Variants in NRXN1 observed in about 807,000 individuals in gnomAD.
NRXN1 encodes neurexin 1.
Under a neutral mutation model 150.9 loss-of-function variants are expected in NRXN1, and 39 were observed. The observed-to-expected ratio is 0.26, with a 90% CI of 0.20 to 0.34. The LOEUF is 0.34. NRXN1 is among the 10% of genes least tolerant of loss of function. The pLI, the probability that NRXN1 is intolerant of heterozygous loss-of-function variation, is 1.00. For synonymous variants in NRXN1, 924 were observed against 757.0 expected, an observed-to-expected ratio of 1.22 and a Z score of -3.62; for missense variants, 1,815 against 1,949.9, an observed-to-expected ratio of 0.93 and a Z score of 1.30.
intron 5 of NRXN1, among the ~76,000 whole-genome samples, chr2:50,697,889 C>G (rs944383570): frequency 6.6e-6 from 1 of 152,140 alleles, no homozygotes; most frequent in African/African-American, 2.4e-5. Flanking sequence ...CCAAAGTAGA[C>G]AGCTCTCCAT....
At chr2:50,326,724 G>C (rs1479923716) in intron 17 of NRXN1, among the ~76,000 whole-genome samples, 2 of 152,032 alleles carry the variant, frequency 1.3e-5, no homozygotes, top group Non-Finnish European at 2.9e-5. Context: ...TAATTATATA[G>C]AGTTGATGCT....
Position 50,429,319 on chromosome 2 carries a change from C to T in NRXN1, c.3364+36123G>A, listed in dbSNP as rs186667314. Among the ~76,000 whole-genome samples the T allele has an allele frequency of 1.1e-4, 16 of 152,092 alleles. 1 individual carries two copies. The East Asian group carries it at 2.7e-3, about 26-fold the overall frequency. On this transcript the variant is annotated intron_variant, in intron 17 of 22. Coordinates refer to ENST00000401669, the MANE Select transcript of NRXN1 (RefSeq NM_001330078.2). ...TCACCAAGGCTGGAGTGCAGTGGTG[C>T]GATCTTGGCTCACTACAACCTCCAC... is the stretch of plus-strand genomic sequence containing the variant.
intron 2 of NRXN1, among the ~76,000 whole-genome samples, chr2:51,007,703 T>G (rs1400291631): frequency 6.6e-6 from 1 of 151,942 alleles, no homozygotes; most frequent in African/African-American, 2.4e-5. Context: ...TTTCTTAAAC[T>G]GAGTAAATCC....
chr2:50,004,375 TAGAG>T (rs1214130641), intron 21 of NRXN1, among the ~76,000 whole-genome samples: 1 of 152,084 alleles, frequency 6.6e-6, no homozygotes, highest in Non-Finnish European at 1.5e-5. Context: ...AAGGTATATA[TAGAG>T]AGAGTGGAAG....
intron 5 of NRXN1, among the ~76,000 whole-genome samples, chr2:50,699,542 G>A (rs1421650803): frequency 6.6e-6 from 1 of 151,912 alleles, no homozygotes; most frequent in Non-Finnish European, 1.5e-5. Context: ...ACAGAGGAAG[G>A]GGCACCTGGA....
chr2:50,241,248 A>G (rs1305596036), intron 17 of NRXN1, among the ~76,000 whole-genome samples: 2 of 151,600 alleles, frequency 1.3e-5, no homozygotes, highest in Non-Finnish European at 3.0e-5. Context: ...CCATTAAATA[A>G]AGACCAAACT....
At chr2:50,670,977 A>G (rs552127184) in intron 5 of NRXN1, among the ~76,000 whole-genome samples, 6 of 151,852 alleles carry the variant, frequency 4.0e-5, no homozygotes, top group Non-Finnish European at 8.8e-5. Context: ...GTTAATAAAT[A>G]CCATTGGAAA....
chr2:50,685,659 T>A (rs967844948), intron 5 of NRXN1, among the ~76,000 whole-genome samples: 1 of 152,130 alleles, frequency 6.6e-6, no homozygotes, highest in African/African-American at 2.4e-5. Context: ...CAGTCTCTAG[T>A]CTCTTCTCTC....
At chr2:50,044,800 T>C (rs1469824903) in intron 21 of NRXN1, among the ~76,000 whole-genome samples, 14 of 152,214 alleles carry the variant, frequency 9.2e-5, no homozygotes, top group Non-Finnish European at 1.5e-5. Context: ...TAGCAAAGTG[T>C]GCTACATATA....
At chr2:50,352,184 C>A (rs982526471) in intron 17 of NRXN1, among the ~76,000 whole-genome samples, 1 of 151,938 alleles carries the variant, frequency 6.6e-6, no homozygotes, top group African/African-American at 2.4e-5. Context: ...AGAAATGAGA[C>A]ATGGATTTGA....
intron 2 of NRXN1, among the ~76,000 whole-genome samples, chr2:50,943,551 T>C (rs1468765321): frequency 6.6e-6 from 1 of 152,196 alleles, no homozygotes; most frequent in African/African-American, 2.4e-5. Context: ...AACTTAGGAA[T>C]GAATTATCAC....
At chr2:50,037,586 C>T (rs1402093962) in intron 21 of NRXN1, among the ~76,000 whole-genome samples, 1 of 152,148 alleles carries the variant, frequency 6.6e-6, no homozygotes, top group East Asian at 1.9e-4. Flanking sequence ...ATTAGGAAGA[C>T]TGAAGGCTAT....
intron 18 of NRXN1, among the ~76,000 whole-genome samples, chr2:50,197,691 A>G (rs988834498): frequency 6.6e-6 from 1 of 152,024 alleles, no homozygotes. Context: ...TTCCTTTTGC[A>G]TATGTTCTCC....
chr2:50,953,626 G>C (rs1051133757), intron 2 of NRXN1, among the ~76,000 whole-genome samples: 1 of 149,682 alleles, frequency 6.7e-6, no homozygotes, highest in African/African-American at 2.5e-5. Context: ...GCATGATCTC[G>C]GCTCACTGCA....
Position 50,251,983 on chromosome 2 carries a change from T to C in NRXN1, c.3365-15013A>G, listed in dbSNP as rs186176662. On this transcript the variant is annotated intron_variant, in intron 17 of 22. Coordinates refer to ENST00000401669, the MANE Select transcript of NRXN1 (RefSeq NM_001330078.2). ...AAAAGTTTTCTCCTATTCTGCAGGTTGTCTGTTCACTCTGATGATAGTTTC... is the reference window on the plus strand; with the variant it reads ...AAAAGTTTTCTCCTATTCTGCAGGTCGTCTGTTCACTCTGATGATAGTTTC... Among the ~76,000 whole-genome samples the C allele has an allele frequency of 4.1e-3, 631 of 152,208 alleles. 1 individual carries two copies. The highest frequency in any genetic ancestry group is 7.5e-3 in the Non-Finnish European group (513 of 68,006).
At chr2:50,491,444 T>A (rs1408632605) in intron 15 of NRXN1, among the ~76,000 whole-genome samples, 1 of 152,146 alleles carries the variant, frequency 6.6e-6, no homozygotes, top group African/African-American at 2.4e-5. Context: ...TTTAAGTGGC[T>A]TCGTAGCAGG....
intron 18 of NRXN1, among the ~76,000 whole-genome samples, chr2:50,163,875 G>C (rs980948218): frequency 1.3e-5 from 2 of 152,162 alleles, no homozygotes; most frequent in African/African-American, 2.4e-5. Flanking sequence ...GCAATGAGGA[G>C]ACATCTATAC....
chr2:49,986,851 C>T (rs1033150579), intron 21 of NRXN1, among the ~76,000 whole-genome samples: 1 of 151,888 alleles, frequency 6.6e-6, no homozygotes, highest in Non-Finnish European at 1.5e-5. Context: ...ATTGCTTGAG[C>T]CCAGGAGTTT....
chr2:50,201,268 A>G (rs1197968416), intron 18 of NRXN1, among the ~76,000 whole-genome samples: 22 of 152,214 alleles, frequency 1.4e-4, no homozygotes, highest in Non-Finnish European at 4.4e-5. Flanking sequence ...ACCTTGGTTG[A>G]ACGACGGAAT....
Sources: allele counts gnomAD v4.1 joint callset (sites outside exome capture counted in the v4.1 genomes callset), GRCh38; gene constraint gnomAD v4.1.1; transcripts MANE v1.5; gene names NCBI Gene and HGNC (gene_info 2026-07-23, HGNC 2026-07-21).